The following RBM20 variants were observed in gnomAD, a reference collection of about 807,000 sequenced individuals.
The protein encoded by RBM20 is RNA-binding protein 20.
In RBM20, 51 loss-of-function variants were observed where a neutral mutation model predicts 110.1. The ratio of observed to expected loss-of-function variants is 0.46; its 90% CI spans 0.37 to 0.59. RBM20 has a LOEUF of 0.59. Ranked by LOEUF, RBM20 falls within the 20% of genes least tolerant of loss-of-function variation. The probability of loss-of-function intolerance (pLI) is 0.00; values close to 1 mark genes in which losing one functional copy is unlikely to be tolerated. For missense variants in RBM20, 1,512 were observed against 1,574.9 expected, an observed-to-expected ratio of 0.96 and a Z score of 0.68; for synonymous variants, 589 against 618.2, an observed-to-expected ratio of 0.95 and a Z score of 0.70.
chr10:110,655,348 C>T (rs1169232798), intron 1 of RBM20, among the ~76,000 whole-genome samples: 1 of 130,468 alleles, frequency 7.7e-6, no homozygotes, highest in African/African-American at 2.9e-5. Flanking sequence ...AATTTAAATT[C>T]CATGAACAAA....
chr10:110,778,835 T>G (rs1186494589), intron 1 of RBM20, among the ~76,000 whole-genome samples: 1 of 152,258 alleles, frequency 6.6e-6, no homozygotes, highest in African/African-American at 2.4e-5. Flanking sequence ...TTCCAGACCA[T>G]GCACACTGAT....
intron 1 of RBM20, among the ~76,000 whole-genome samples, chr10:110,691,352 C>G (rs929552684): frequency 6.6e-6 from 1 of 152,222 alleles, no homozygotes; most frequent in Non-Finnish European, 1.5e-5. Flanking sequence ...GAGGAACTGC[C>G]AAACTGTTTC....
chr10:110,756,128 C>A (rs1175916515), intron 1 of RBM20, among the ~76,000 whole-genome samples: 3 of 152,204 alleles, frequency 2.0e-5, no homozygotes, highest in Admixed American at 6.5e-5. Context: ...CATCTTTGGG[C>A]TCCCCTCAAC....
At chr10:110,796,755 TA>T (rs1293431643) in intron 5 of RBM20, among the ~76,000 whole-genome samples, 17 of 151,992 alleles carry the variant, frequency 1.1e-4, no homozygotes, top group Admixed American at 9.2e-4. Flanking sequence ...TCTGACTTCT[TA>T]AAAAAAATTA....
At chr10:110,665,940 AC>A (rs1001856126) in intron 1 of RBM20, among the ~76,000 whole-genome samples, 2 of 151,190 alleles carry the variant, frequency 1.3e-5, no homozygotes, top group Non-Finnish European at 2.9e-5. Context: ...ACATGGTGAA[AC>A]TGTCTCTACA....
intron 1 of RBM20, among the ~76,000 whole-genome samples, chr10:110,741,690 C>T (rs1044836979): frequency 6.6e-6 from 1 of 152,166 alleles, no homozygotes; most frequent in Non-Finnish European, 1.5e-5. Flanking sequence ...TTTTCAATTC[C>T]CAGTAGCTAT....
At chr10:110,719,408 T>C (rs1314326987) in intron 1 of RBM20, among the ~76,000 whole-genome samples, 3 of 152,262 alleles carry the variant, frequency 2.0e-5, no homozygotes, top group African/African-American at 7.2e-5. Context: ...AAACATGTGA[T>C]TGTGTGTCCT....
intron 12 of RBM20, among the ~76,000 whole-genome samples, chr10:110,824,454 C>A (rs1362362139): frequency 1.3e-5 from 2 of 152,170 alleles, no homozygotes; most frequent in African/African-American, 4.8e-5. Flanking sequence ...ACAGGGAGAC[C>A]TGGGTTTCTG....
intron 1 of RBM20, among the ~76,000 whole-genome samples, chr10:110,778,907 G>A (rs1326792464): frequency 1.3e-5 from 2 of 152,108 alleles, no homozygotes; most frequent in South Asian, 2.1e-4. Flanking sequence ...CATGTCAGAC[G>A]GACACCCTTT....
At chr10:110,644,249 C>T (rs1861830789), upstream of RBM20, 2 of 424,494 alleles carry the variant, frequency 4.7e-6, no homozygotes, top group African/African-American at 2.1e-5. The surrounding 1 kb of genome is among the most constrained non-coding windows in gnomAD (Gnocchi z 4.3). Context: ...CCCCCGCCCC[C>T]GCGTGGCCGG....
chr10:110,692,914 TATC>T (rs1000148479), intron 1 of RBM20, among the ~76,000 whole-genome samples: 17 of 152,190 alleles, frequency 1.1e-4, no homozygotes, highest in African/African-American at 4.1e-4. Flanking sequence ...ATCTAACCTT[TATC>T]ATGCTGAGGA....
intron 1 of RBM20, among the ~76,000 whole-genome samples, chr10:110,695,865 TG>T (rs1247451913): frequency 6.6e-6 from 1 of 152,246 alleles, no homozygotes; most frequent in Non-Finnish European, 1.5e-5. Flanking sequence ...ATCACTTACA[TG>T]GCTTTGCACA....
intron 1 of RBM20, among the ~76,000 whole-genome samples, chr10:110,692,747 T>C (rs1380419829): frequency 6.6e-6 from 1 of 152,210 alleles, no homozygotes; most frequent in Non-Finnish European, 1.5e-5. Context: ...TTGTCTTGCC[T>C]AATTGCCCTG....
Position 110,836,973 on chromosome 10 carries a change from G to C in RBM20, c.*995G>C, listed in dbSNP as rs7898801. 6.6e-6 allele frequency: 1 copy of C among 152,246 alleles called. No individual in the cohort carries two copies. The highest frequency in any genetic ancestry group is 1.5e-5 in the Non-Finnish European group (1 of 68,056). The allele number at this position is 152,246 out of a possible 1,614,324, so 9.4% of individuals were successfully genotyped here. On this transcript the variant is annotated 3_prime_UTR_variant, in exon 14 of 14. Coordinates refer to ENST00000369519, the MANE Select transcript of RBM20 (RefSeq NM_001134363.3). The stretch of plus-strand genomic sequence containing the variant: ...CAGAGTTGTCTTGGGGGTTAAATGA[G>C]CTTATTTAAGTCAAGGAAACATCAT...
chr10:110,700,357 C>T (rs1489628724), intron 1 of RBM20, among the ~76,000 whole-genome samples: 1 of 152,206 alleles, frequency 6.6e-6, no homozygotes, highest in Non-Finnish European at 1.5e-5. Context: ...ATCCAAGTTT[C>T]AGCCTTGGGC....
At chr10:110,721,505 G>T (rs1007131820) in intron 1 of RBM20, among the ~76,000 whole-genome samples, 2 of 152,084 alleles carry the variant, frequency 1.3e-5, no homozygotes, top group Admixed American at 1.3e-4. Flanking sequence ...GTGAGTGTGC[G>T]CATGTCTGTC....
chr10:110,818,355 T>G (rs758165647), intron 9 of RBM20, among the ~76,000 whole-genome samples: 3 of 150,594 alleles, frequency 2.0e-5, no homozygotes, highest in Non-Finnish European at 4.4e-5. Flanking sequence ...CATTTTGGAA[T>G]GATCATTCTT....
intron 1 of RBM20, among the ~76,000 whole-genome samples, chr10:110,744,180 C>T (rs369896438): frequency 7.9e-5 from 12 of 152,238 alleles, no homozygotes; most frequent in African/African-American, 2.4e-4. Context: ...GAAATGCAAG[C>T]GGAAGTATAA....
intron 1 of RBM20, among the ~76,000 whole-genome samples, chr10:110,762,499 G>T (rs776143543): frequency 6.6e-6 from 1 of 152,190 alleles, no homozygotes; most frequent in Non-Finnish European, 1.5e-5. Context: ...CTAAGTATTG[G>T]CATTTATTCT....
Sources: allele counts gnomAD v4.1 joint callset (sites outside exome capture counted in the v4.1 genomes callset), GRCh38; gene constraint gnomAD v4.1.1; non-coding constraint Gnocchi (gnomAD v3.1); transcripts MANE v1.5; gene names NCBI Gene and HGNC (gene_info 2026-07-23, HGNC 2026-07-21).